Variants in LIX1L observed in about 807,000 individuals in gnomAD.
LIX1L encodes the protein limb and CNS expressed 1 like, also known as LIX1-like protein.
Under a neutral mutation model 34.0 loss-of-function variants are expected in LIX1L, and 20 were observed. That is an observed-to-expected ratio of 0.59 (90% CI 0.41 to 0.85). The LOEUF is 0.85. LIX1L is among the 40% of genes least tolerant of loss of function. LIX1L has a pLI of 0.00. For synonymous variants in LIX1L, 170 were observed against 187.4 expected, an observed-to-expected ratio of 0.91 and a Z score of 0.76; for missense variants, 397 against 447.0, an observed-to-expected ratio of 0.89 and a Z score of 1.01.
At chr1:145,955,336 CAT>C (rs1282466368) in intron 1 of LIX1L, among the ~76,000 whole-genome samples, 1 of 152,126 alleles carries the variant, frequency 6.6e-6, no homozygotes, top group East Asian at 1.9e-4. Flanking sequence ...TACATACATA[CAT>C]ATATACATAC....
rs782123088 is a variant in LIX1L, at chr1:145,936,166, A to G, written c.*144T>C. The G allele has an allele frequency of 1.3e-5, 12 of 935,778 alleles. No individual in the cohort carries two copies. The highest frequency in any genetic ancestry group is 1.8e-5 in the Non-Finnish European group (12 of 652,810). The allele number at this position is 935,778 out of a possible 1,614,324, so 58.0% of individuals were successfully genotyped here. ...TAAGAAAAGGGATCTCTTAGCAAAT[A>G]GGAATCTAGGTGTAGAATTTATACA... On this transcript the variant is annotated 3_prime_UTR_variant, in exon 6 of 6. Coordinates refer to ENST00000604000, the MANE Select transcript of LIX1L (RefSeq NM_153713.3).
chr1:145,939,696 T>A (rs1202794686), intron 3 of LIX1L: 1 of 149,826 alleles, frequency 6.7e-6, no homozygotes, highest in East Asian at 2.0e-4. Flanking sequence ...TGGAGTGCAG[T>A]AGTGCAATCT....
chr1:145,934,300 G>A lies in LIX1L; in HGVS notation c.*2010C>T, dbSNP rs782776809. On this transcript the variant is annotated 3_prime_UTR_variant, in exon 6 of 6. Transcript: ENST00000604000. The stretch of plus-strand genomic sequence containing the variant: ...GTTAAAAACACAAATAGTGCCGGGC[G>A]CGGTGGCTCACGCCTGTAATCCCAG... 6.6e-6 allele frequency: 1 copy of A among 152,194 alleles called. No homozygotes were observed. Among genetic ancestry groups the A allele is most frequent in the African/African-American group, 2.4e-5 (1 of 41,436 alleles). 9.4% of individuals were successfully genotyped at this position (152,194 alleles called of 1,614,324 possible). A position where few individuals can be genotyped will look rare whatever the true frequency, so the allele number is the denominator to read the frequency against.
intron 2 of LIX1L, among the ~76,000 whole-genome samples, chr1:145,946,624 T>A (rs1367785813): frequency 6.6e-6 from 1 of 152,194 alleles, no homozygotes; most frequent in Non-Finnish European, 1.5e-5. Flanking sequence ...AGACGTATTA[T>A]TTGCCTACTA....
At chr1:145,957,404 T>C (rs782292602) in intron 1 of LIX1L, among the ~76,000 whole-genome samples, 3 of 152,080 alleles carry the variant, frequency 2.0e-5, no homozygotes, top group Non-Finnish European at 4.4e-5. Context: ...GAGGATTGTA[T>C]CTGAAAAAGA....
At chr1:145,949,776 C>T (rs1277351923) in intron 1 of LIX1L, among the ~76,000 whole-genome samples, 1 of 151,966 alleles carries the variant, frequency 6.6e-6, no homozygotes, top group Non-Finnish European at 1.5e-5. Context: ...AATAAATTAT[C>T]CCAGGTGCTC....
intron 5 of LIX1L, 60 bp downstream of exon 5, chr1:145,936,848 A>C: frequency 2.5e-6 from 3 of 1,182,368 alleles, no homozygotes; most frequent in Non-Finnish European, 3.8e-6. Context: ...TAACCACCTC[A>C]AAAGAGTCCA....
Position 145,937,682 on chromosome 1 carries a change from A to C in LIX1L, c.615T>G (p.Ala205=). The part of the protein sequence containing the change: ...LASFNGNREE[A]DNPNTGIGAF... ...CACCAATCCCTGTATTTGGGTTGTC[A>C]GCTTCCTCCCTGTTGCCCTGGTAGT... Residue 205 remains alanine (A), a synonymous_variant, in exon 4 of 6, where the codon GCT becomes GCG. Transcript: ENST00000604000. 6.2e-7 allele frequency: 1 copy of C among 1,612,212 alleles called. No individual in the cohort carries two copies. The highest frequency in any genetic ancestry group is 1.3e-5 in the African/African-American group (1 of 74,996).
intron 1 of LIX1L, among the ~76,000 whole-genome samples, chr1:145,949,218 G>A (rs754623615): frequency 4.5e-4 from 69 of 152,180 alleles, no homozygotes; most frequent in Non-Finnish European, 7.3e-4. Context: ...GAGGGAAAGA[G>A]ATATTAACCA....
chr1:145,947,840 A>G, intron 1 of LIX1L, 58 bp from the exon 2 acceptor site: 2 of 1,466,154 alleles, frequency 1.4e-6, no homozygotes, highest in Non-Finnish European at 1.9e-6. Context: ...ACGTGGTGCT[A>G]TACTTCAATA....
chr1:145,945,054 G>A (rs1158852458), intron 2 of LIX1L, among the ~76,000 whole-genome samples: 1 of 151,784 alleles, frequency 6.6e-6, no homozygotes, highest in Non-Finnish European at 1.5e-5. Flanking sequence ...AAAAAAGCTG[G>A]GTGAAGTGGC....
rs1454256980 is a variant in LIX1L at position 145,935,224 on chromosome 1, C to A, written c.*1086G>T. 1 of 151,832 alleles carries A rather than the reference C, an allele frequency of 6.6e-6. No individual in the cohort carries two copies. The highest frequency in any genetic ancestry group is 1.9e-4 in the East Asian group (1 of 5,196). The allele number at this position is 151,832 out of a possible 1,614,324, so 9.4% of individuals were successfully genotyped here. A position where few individuals can be genotyped will look rare whatever the true frequency, so the allele number is the denominator to read the frequency against. On this transcript the variant is annotated 3_prime_UTR_variant, in exon 6 of 6. Transcript: ENST00000604000. The stretch of plus-strand genomic sequence containing the variant: ...AATAACTGATCATTGATTCTCTTTC[C>A]CTTCCTGCAGTCTCCCAAGGTGTCA...
rs1649163707 is a variant in LIX1L at position 145,947,767 on chromosome 1, G to A, written c.308C>T (p.Ala103Val). The A allele has an allele frequency of 6.2e-7, 1 of 1,613,992 alleles. No individual in the cohort carries two copies. The highest frequency in any genetic ancestry group is 1.1e-5 in the South Asian group (1 of 91,074). Residue 103 changes from alanine to valine, a missense_variant, in exon 2 of 6, where the codon GCA becomes GTA. Physicochemically the swap from Ala to Val is moderately conservative, Grantham distance 64 (BLOSUM62 0). This residue lies in a region of LIX1L where 207 missense variants were observed against 205.2 expected (regional missense o/e 1.01). Coordinates refer to ENST00000604000, the MANE Select transcript of LIX1L (RefSeq NM_153713.3). ...CTTCATCTGCCAGAATTCCTGAAGTGCCTCCACCACATTCACTACAAAAGA... is the reference window on the plus strand; with the variant it reads ...CTTCATCTGCCAGAATTCCTGAAGTACCTCCACCACATTCACTACAAAAGA... ...QGYGRVNVVE[A>V]LQEFWQMKQS...
intron 2 of LIX1L, among the ~76,000 whole-genome samples, chr1:145,946,815 T>C (rs868980124): frequency 1.3e-5 from 2 of 152,210 alleles, no homozygotes; most frequent in African/African-American, 4.8e-5. Context: ...TAACCTTGTC[T>C]AAGGGTTTCA....
intron 1 of LIX1L, among the ~76,000 whole-genome samples, chr1:145,949,515 G>A (rs1553759569): frequency 6.6e-6 from 1 of 152,154 alleles, no homozygotes; most frequent in East Asian, 1.9e-4. Context: ...AATGCAAGAT[G>A]AGGTTGCAAG....
intron 1 of LIX1L, among the ~76,000 whole-genome samples, chr1:145,957,074 T>C (rs1649497206): frequency 6.6e-6 from 1 of 152,194 alleles, no homozygotes; most frequent in African/African-American, 2.4e-5. Context: ...CGGATTTAAA[T>C]ACACAATTAC....
intron 5 of LIX1L, 115 bp from the exon 6 acceptor site, chr1:145,936,667 TAAG>T (rs1400645852): frequency 3.1e-6 from 4 of 1,294,880 alleles, no homozygotes; most frequent in Non-Finnish European, 4.3e-6. Context: ...GGTCAGCACC[TAAG>T]TTCTTCAAGG....
chr1:145,955,273 G>A (rs1384988862), intron 1 of LIX1L, among the ~76,000 whole-genome samples: 7 of 152,196 alleles, frequency 4.6e-5, no homozygotes, highest in Non-Finnish European at 7.3e-5. Flanking sequence ...GTAAGTGGGT[G>A]AGGGAGGCAG....
At chr1:145,939,155 A>C (rs782343016) in intron 3 of LIX1L, among the ~76,000 whole-genome samples, 7 of 150,454 alleles carry the variant, frequency 4.7e-5, no homozygotes, top group Non-Finnish European at 1.0e-4. Context: ...TTATTTTATT[A>C]TTTTTTTGTA....
Sources: allele counts gnomAD v4.1 joint callset (sites outside exome capture counted in the v4.1 genomes callset), GRCh38; gene constraint gnomAD v4.1.1; regional missense constraint gnomAD v4.1.1; transcripts MANE v1.5; gene names NCBI Gene and HGNC (gene_info 2026-07-23, HGNC 2026-07-21).